FBXW10B: variants seen among roughly 807,000 people sequenced by gnomAD.
FBXW10B encodes the protein F-box and WD repeat domain containing 10B.
the FBXW10B span, among the ~76,000 whole-genome samples, chr17:15,586,773 G>A: frequency 6.6e-6 from 1 of 151,522 alleles, no homozygotes; most frequent in Non-Finnish European, 1.5e-5. Context: ...GGGGAAATAT[G>A]AAGAAAGTAA....
chr17:15,568,068 G>A, the FBXW10B span, among the ~76,000 whole-genome samples: 8 of 152,122 alleles, frequency 5.3e-5, no homozygotes, highest in Non-Finnish European at 8.8e-5. Context: ...TATCATCATC[G>A]GAACACTTTT....
chr17:15,607,463 GA>G, the FBXW10B span: 1 of 800,116 alleles, frequency 1.2e-6, no homozygotes, highest in African/African-American at 1.8e-5. Context: ...GCTGGAGCTT[GA>G]GGTGAGGAGA....
At chr17:15,573,944 T>C in the FBXW10B span, 2 of 468,472 alleles carry the variant, frequency 4.3e-6, no homozygotes, top group Middle Eastern at 5.3e-4. Context: ...ATTTGTTTCA[T>C]TTTCCCAAGG....
the FBXW10B span, among the ~76,000 whole-genome samples, chr17:15,590,079 G>A: frequency 1.3e-5 from 2 of 151,398 alleles, no homozygotes; most frequent in Non-Finnish European, 2.9e-5. Flanking sequence ...CGGCGGCGCT[G>A]CCTGGATGGG....
the FBXW10B span, among the ~76,000 whole-genome samples, chr17:15,613,222 A>C: frequency 2.0e-5 from 3 of 151,636 alleles, no homozygotes; most frequent in Non-Finnish European, 4.4e-5. Flanking sequence ...TTTCATTTTA[A>C]CTTAAAAAAA....
At chr17:15,579,911 T>C in the FBXW10B span, among the ~76,000 whole-genome samples, 5 of 151,974 alleles carry the variant, frequency 3.3e-5, no homozygotes, top group South Asian at 1.0e-3. Flanking sequence ...AACAATGTTA[T>C]ATTTAAAAAG....
chr17:15,592,154 G>A, the FBXW10B span, among the ~76,000 whole-genome samples: 40 of 152,280 alleles, frequency 2.6e-4, no homozygotes, highest in Non-Finnish European at 5.3e-4. Context: ...AAACTCTCTA[G>A]AAAAGTAACT....
At chr17:15,579,765 AG>A in the FBXW10B span, among the ~76,000 whole-genome samples, 1 of 152,286 alleles carries the variant, frequency 6.6e-6, no homozygotes, top group Admixed American at 6.5e-5. Context: ...TTTAAAAGTC[AG>A]GTAATTTAAA....
At chr17:15,606,255 G>A in the FBXW10B span, among the ~76,000 whole-genome samples, 2 of 140,444 alleles carry the variant, frequency 1.4e-5, no homozygotes, top group South Asian at 2.4e-4. Context: ...AATGACACTA[G>A]GACTGCAGAC....
the FBXW10B span, among the ~76,000 whole-genome samples, chr17:15,605,611 G>A: frequency 6.6e-6 from 1 of 152,158 alleles, no homozygotes; most frequent in African/African-American, 2.4e-5. Context: ...CTCATACGAT[G>A]ACAAAAATCC....
the FBXW10B span, chr17:15,614,163 T>G: frequency 8.5e-7 from 1 of 1,169,942 alleles, no homozygotes; most frequent in South Asian, 1.5e-5. Flanking sequence ...GCCACTAGAT[T>G]TTTGTCATCT....
chr17:15,589,354 G>A, the FBXW10B span: 11 of 1,113,258 alleles, frequency 9.9e-6, no homozygotes, highest in East Asian at 2.4e-4. Flanking sequence ...GTGACTACAG[G>A]TGGATAAAGA....
chr17:15,609,709 C>G, the FBXW10B span, among the ~76,000 whole-genome samples: 3 of 152,222 alleles, frequency 2.0e-5, no homozygotes, highest in South Asian at 6.2e-4. Context: ...TATACTCATG[C>G]TATTACTCAC....
the FBXW10B span, among the ~76,000 whole-genome samples, chr17:15,602,829 G>A: frequency 4.1e-5 from 5 of 121,350 alleles, 1 homozygote; most frequent in Admixed American, 3.9e-4. Flanking sequence ...GGGTTTCACC[G>A]TGTTAGCCAG....
chr17:15,572,335 AAAAT>A, the FBXW10B span: 1 of 152,228 alleles, frequency 6.6e-6, no homozygotes, highest in Non-Finnish European at 1.5e-5. Context: ...CCTCGCCTAT[AAAAT>A]GAGGTTCGTG....
At chr17:15,597,631 CA>C in the FBXW10B span, among the ~76,000 whole-genome samples, 1 of 149,708 alleles carries the variant, frequency 6.7e-6, no homozygotes, top group African/African-American at 2.5e-5. Flanking sequence ...GACTCCATCT[CA>C]AAAAAAAATA....
the FBXW10B span, among the ~76,000 whole-genome samples, chr17:15,606,643 GTA>G: frequency 7.0e-6 from 1 of 142,212 alleles, no homozygotes; most frequent in African/African-American, 2.9e-5. Flanking sequence ...ATGTATATGT[GTA>G]TATATATATG....
At chr17:15,590,536 T>C in the FBXW10B span, among the ~76,000 whole-genome samples, 1 of 147,628 alleles carries the variant, frequency 6.8e-6, no homozygotes, top group African/African-American at 2.6e-5. Context: ...GTGTTCATCC[T>C]GGTTTATAGT....
the FBXW10B span, among the ~76,000 whole-genome samples, chr17:15,574,614 A>C: frequency 8.3e-6 from 1 of 120,464 alleles, no homozygotes; most frequent in Non-Finnish European, 1.7e-5. Context: ...CCAGATGCTC[A>C]TGGATAAATC....
Sources: gnomAD v4.1 joint callset for allele counts (sites outside exome capture counted in the v4.1 genomes callset) on GRCh38, gnomAD v4.1.1 for gene constraint, MANE v1.5 for transcripts, NCBI Gene and HGNC (gene_info 2026-07-23, HGNC 2026-07-21) for gene names.